The following GRM3 variants were observed in gnomAD, a reference collection of about 807,000 sequenced individuals.
The protein encoded by GRM3 is metabotropic glutamate receptor 3.
Under a neutral mutation model 70.5 loss-of-function variants are expected in GRM3, and 26 were observed. That is an observed-to-expected ratio of 0.37 (90% confidence interval 0.27 to 0.51). The LOEUF is 0.51. Ranked by LOEUF, GRM3 falls within the 20% of genes least tolerant of loss-of-function variation. GRM3 has a pLI of 0.93. For synonymous variants in GRM3, 443 were observed against 434.9 expected, an observed-to-expected ratio of 1.02 and a Z score of -0.23; for missense variants, 859 against 1,123.8, an observed-to-expected ratio of 0.76 and a Z score of 3.37.
chr7:86,791,168 A>G (rs1279789692), intron 3 of GRM3, among the ~76,000 whole-genome samples: 1 of 152,190 alleles, frequency 6.6e-6, no homozygotes, highest in Non-Finnish European at 1.5e-5. Context: ...CTTTCAAGGC[A>G]TGGTACATAT....
At chr7:86,775,688 TC>T (rs1436121714) in intron 2 of GRM3, among the ~76,000 whole-genome samples, 1 of 152,112 alleles carries the variant, frequency 6.6e-6, no homozygotes, top group Non-Finnish European at 1.5e-5. Flanking sequence ...CTTCTACTAA[TC>T]CCTGTGAGGC....
intron 1 of GRM3, among the ~76,000 whole-genome samples, chr7:86,699,878 G>C (rs76320843): frequency 0.013 from 2,044 of 151,950 alleles, 38 homozygotes; most frequent in African/African-American, 0.047. Context: ...CCTTGCTCTG[G>C]GATAAGAAAA....
In GRM3 at chr7:86,644,884, A is replaced by AGAG; in HGVS notation, c.-141+18_-141+20dup. ...GTTGTCGGTGCGAGGTAAGGGTCCC[A>AGAG]GAGGAGGACGTGTCCCTCTGGAGGG... On this transcript the variant is annotated intron_variant, in intron 1 of 5. Coordinates refer to ENST00000361669, the MANE Select transcript of GRM3 (RefSeq NM_000840.3). 1.6e-6 allele frequency: 2 copies of AGAG among 1,272,260 alleles called. No individual in the cohort carries two copies. Among genetic ancestry groups the AGAG allele is most frequent in the Non-Finnish European group, 2.1e-6 (2 of 973,662 alleles). 78.8% of individuals were successfully genotyped at this position (1,272,260 alleles called of 1,614,324 possible).
chr7:86,843,070 G>A (rs1798587517), intron 4 of GRM3, among the ~76,000 whole-genome samples: 1 of 152,092 alleles, frequency 6.6e-6, no homozygotes, highest in African/African-American at 2.4e-5. Context: ...AATGTTTAAG[G>A]GCTTTGAGAT....
At chr7:86,776,044 A>G (rs1796880796) in intron 2 of GRM3, 1 of 152,046 alleles carries the variant, frequency 6.6e-6, no homozygotes. Context: ...AAAAAAAAAC[A>G]AAACTAGATT....
chr7:86,818,376 G>A (rs866850571), intron 3 of GRM3, among the ~76,000 whole-genome samples: 19 of 152,180 alleles, frequency 1.2e-4, no homozygotes, highest in African/African-American at 4.6e-4. Flanking sequence ...AAGAATTGGA[G>A]TAAGGTAGAA....
At chr7:86,691,966 T>C (rs1480298072) in intron 1 of GRM3, among the ~76,000 whole-genome samples, 1 of 152,208 alleles carries the variant, frequency 6.6e-6, no homozygotes, top group Admixed American at 6.5e-5. Context: ...AAAACTGTAA[T>C]CTTCAGAGTT....
At chr7:86,805,099 G>A (rs1797761583) in intron 3 of GRM3, among the ~76,000 whole-genome samples, 1 of 152,124 alleles carries the variant, frequency 6.6e-6, no homozygotes, top group Non-Finnish European at 1.5e-5. Flanking sequence ...GAGCCACAGA[G>A]TGAGACCTTA....
At chr7:86,863,853 A>G (rs569733299) in intron 5 of GRM3, among the ~76,000 whole-genome samples, 3 of 152,196 alleles carry the variant, frequency 2.0e-5, no homozygotes, top group Non-Finnish European at 4.4e-5. Context: ...AACAATGATT[A>G]TACTTACAAA....
intron 1 of GRM3, among the ~76,000 whole-genome samples, chr7:86,739,944 G>A (rs1282506073): frequency 6.6e-6 from 1 of 152,070 alleles, no homozygotes; most frequent in African/African-American, 2.4e-5. Context: ...CTAGCTCACT[G>A]GGATATTGCA....
chr7:86,842,352 A>G (rs888693765), intron 4 of GRM3, among the ~76,000 whole-genome samples: 3 of 152,210 alleles, frequency 2.0e-5, no homozygotes, highest in African/African-American at 7.2e-5. Flanking sequence ...TTAACAAAGT[A>G]AAAACGTAAG....
intron 5 of GRM3, among the ~76,000 whole-genome samples, chr7:86,857,545 C>A (rs949208924): frequency 6.6e-6 from 1 of 152,152 alleles, no homozygotes; most frequent in African/African-American, 2.4e-5. Flanking sequence ...TGAGAGATAG[C>A]AGTAGAAGCC....
At chr7:86,679,597 T>TGCC (rs561072125) in intron 1 of GRM3, among the ~76,000 whole-genome samples, 3,025 of 152,042 alleles carry the variant, frequency 0.02, 103 homozygotes, top group African/African-American at 0.069. Flanking sequence ...ATCTCTTTAT[T>TGCC]ATGTACATCA....
At chr7:86,768,050 A>G (rs1796650446) in intron 2 of GRM3, among the ~76,000 whole-genome samples, 1 of 152,144 alleles carries the variant, frequency 6.6e-6, no homozygotes, top group Non-Finnish European at 1.5e-5. Context: ...AAAGACCCAA[A>G]ACTATCATGC....
At chr7:86,725,022 T>C (rs1025838244) in intron 1 of GRM3, among the ~76,000 whole-genome samples, 1 of 152,116 alleles carries the variant, frequency 6.6e-6, no homozygotes, top group African/African-American at 2.4e-5. Flanking sequence ...CATTACCAGA[T>C]AATTCTTATC....
At chr7:86,822,197 TAAACA>T (rs1162885260) in intron 3 of GRM3, among the ~76,000 whole-genome samples, 1 of 152,084 alleles carries the variant, frequency 6.6e-6, no homozygotes, top group African/African-American at 2.4e-5. Flanking sequence ...CGGTGCAGGA[TAAACA>T]AAACAATTCT....
intron 1 of GRM3, among the ~76,000 whole-genome samples, chr7:86,757,865 C>T (rs910545136): frequency 6.6e-6 from 1 of 152,058 alleles, no homozygotes; most frequent in South Asian, 2.1e-4. Context: ...ATCCAGTTAA[C>T]AGTCCAATAT....
intron 3 of GRM3, among the ~76,000 whole-genome samples, chr7:86,835,692 C>T (rs150042825): frequency 1.1e-4 from 16 of 152,252 alleles, no homozygotes; most frequent in Non-Finnish European, 1.9e-4. Context: ...CTCACTGCAA[C>T]CTCTGCCTCC....
chr7:86,850,865 T>C (rs1798743200), intron 5 of GRM3, among the ~76,000 whole-genome samples: 1 of 152,172 alleles, frequency 6.6e-6, no homozygotes, highest in Admixed American at 6.5e-5. Flanking sequence ...CTCAATTTAA[T>C]AGATAACTTC....
Sources: allele counts gnomAD v4.1 joint callset (sites outside exome capture counted in the v4.1 genomes callset), GRCh38; gene constraint gnomAD v4.1.1; transcripts MANE v1.5; gene names NCBI Gene and HGNC (gene_info 2026-07-23, HGNC 2026-07-21).